The following FSTL5 variants were observed in gnomAD, a reference collection of about 807,000 sequenced individuals.
The protein encoded by FSTL5 is follistatin-related protein 5.
FSTL5 carries 62 observed loss-of-function variants against 89.1 expected under a neutral mutation model. The ratio of observed to expected loss-of-function variants is 0.70; its 90% CI spans 0.57 to 0.86. FSTL5 has a LOEUF of 0.86. Ranked by LOEUF, FSTL5 falls within the 40% of genes least tolerant of loss-of-function variation. The probability of loss-of-function intolerance (pLI) is 0.00; values close to 1 mark genes in which losing one functional copy is unlikely to be tolerated. For synonymous variants in FSTL5, 383 were observed against 346.2 expected (o/e 1.11, Z -1.18); for missense variants, 1,057 against 1,001.6 (o/e 1.06, Z -0.75).
intron 7 of FSTL5, among the ~76,000 whole-genome samples, chr4:161,610,532 G>A (rs1734596949): frequency 6.6e-6 from 1 of 152,056 alleles, no homozygotes; most frequent in South Asian, 2.1e-4. Context: ...GCATGACCAA[G>A]GACAATATAT....
intron 10 of FSTL5, among the ~76,000 whole-genome samples, chr4:161,513,272 G>GGGGAGAGAGAGAGAGA (rs1349844190): frequency 9.1e-6 from 1 of 109,978 alleles, no homozygotes; most frequent in East Asian, 3.0e-4. Context: ...ACAAGGAGGG[G>GGGGAGAGAGAGAGAGA]GAGAGAGAGA....
At chr4:162,128,263 A>G (rs1732161956) in intron 1 of FSTL5, among the ~76,000 whole-genome samples, 1 of 152,198 alleles carries the variant, frequency 6.6e-6, no homozygotes, top group Admixed American at 6.5e-5. Context: ...TCTAAAACCC[A>G]GAGTCTTTTC....
intron 6 of FSTL5, among the ~76,000 whole-genome samples, chr4:161,704,172 A>C (rs961069084): frequency 1.3e-5 from 2 of 152,004 alleles, no homozygotes; most frequent in African/African-American, 4.8e-5. Context: ...GCTAATCAGA[A>C]ACTCACAAAA....
intron 7 of FSTL5, among the ~76,000 whole-genome samples, chr4:161,589,904 G>C (rs1156297580): frequency 6.6e-6 from 1 of 151,766 alleles, no homozygotes; most frequent in Admixed American, 6.6e-5. Context: ...GAAATTGAAG[G>C]CTAAGACAGA....
intron 7 of FSTL5, among the ~76,000 whole-genome samples, chr4:161,655,673 C>T (rs557676085): frequency 4.6e-5 from 7 of 152,204 alleles, no homozygotes; most frequent in African/African-American, 1.4e-4. Context: ...CTATCCTTAT[C>T]CTTAGAACCA....
chr4:161,529,246 T>C (rs1731330011), intron 10 of FSTL5, among the ~76,000 whole-genome samples: 1 of 142,680 alleles, frequency 7.0e-6, no homozygotes, highest in Non-Finnish European at 1.5e-5. Context: ...GAAACAGATC[T>C]ATTTAATGAT....
At chr4:161,549,941 C>A (rs2126555033) in intron 8 of FSTL5, among the ~76,000 whole-genome samples, 1 of 152,006 alleles carries the variant, frequency 6.6e-6, no homozygotes, top group Admixed American at 6.6e-5. Flanking sequence ...ATCCTCCAGA[C>A]TTACTAAAAC....
chr4:161,558,490 G>T (rs1732473564), intron 8 of FSTL5, among the ~76,000 whole-genome samples: 1 of 151,782 alleles, frequency 6.6e-6, no homozygotes. Context: ...CAGTAGTAAA[G>T]ACAAGTCTAC....
At chr4:161,536,981 C>T (rs1156233437) in intron 10 of FSTL5, among the ~76,000 whole-genome samples, 1 of 152,000 alleles carries the variant, frequency 6.6e-6, no homozygotes, top group African/African-American at 2.4e-5. Flanking sequence ...TATGGTGGAC[C>T]TTATGCAGGC....
At chr4:161,419,346 A>G (rs1234334380) in intron 15 of FSTL5, among the ~76,000 whole-genome samples, 1 of 152,178 alleles carries the variant, frequency 6.6e-6, no homozygotes, top group African/African-American at 2.4e-5. Context: ...TACCAATTAC[A>G]TATGTATTTT....
intron 4 of FSTL5, among the ~76,000 whole-genome samples, chr4:161,787,600 T>A (rs1741950314): frequency 1.3e-5 from 2 of 152,132 alleles, no homozygotes; most frequent in South Asian, 4.1e-4. Flanking sequence ...GCAAATTAGA[T>A]GGAAAAATAT....
intron 8 of FSTL5, among the ~76,000 whole-genome samples, chr4:161,555,954 G>A (rs1732373078): frequency 6.6e-6 from 1 of 151,560 alleles, no homozygotes; most frequent in Admixed American, 6.6e-5. Flanking sequence ...CCCATGAACT[G>A]TTTCAACACG....
intron 6 of FSTL5, among the ~76,000 whole-genome samples, chr4:161,721,172 G>A (rs1019332517): frequency 6.6e-6 from 1 of 151,520 alleles, no homozygotes; most frequent in Non-Finnish European, 1.5e-5. Context: ...CAGTTACTGG[G>A]GAGGCTGAGG....
chr4:161,669,663 A>T (rs1003396278), intron 6 of FSTL5, among the ~76,000 whole-genome samples: 2 of 152,216 alleles, frequency 1.3e-5, no homozygotes, highest in African/African-American at 4.8e-5. Flanking sequence ...ACAGACTTAA[A>T]TATAAAACAA....
chr4:161,585,465 C>A (rs1010409208), intron 8 of FSTL5, among the ~76,000 whole-genome samples: 19 of 151,680 alleles, frequency 1.3e-4, no homozygotes, highest in African/African-American at 4.6e-4. Context: ...ATGCACCATA[C>A]ACTCTAAAAA....
At chr4:161,682,558 A>G (rs982944466) in intron 6 of FSTL5, among the ~76,000 whole-genome samples, 1 of 152,100 alleles carries the variant, frequency 6.6e-6, no homozygotes, top group Non-Finnish European at 1.5e-5. Context: ...GAAGAAACAA[A>G]CACACACATT....
chr4:161,671,145 T>C (rs950710959), intron 6 of FSTL5, among the ~76,000 whole-genome samples: 8 of 152,208 alleles, frequency 5.3e-5, no homozygotes, highest in African/African-American at 1.7e-4. Context: ...TTCAAGTTTA[T>C]TGACAAATTC....
At chr4:161,865,890 C>T (rs1355482552) in intron 4 of FSTL5, among the ~76,000 whole-genome samples, 1 of 152,182 alleles carries the variant, frequency 6.6e-6, no homozygotes, top group Non-Finnish European at 1.5e-5. Context: ...CTCTTTCCAG[C>T]TGCTGCATAT....
intron 15 of FSTL5, among the ~76,000 whole-genome samples, chr4:161,448,883 G>A (rs1733053534): frequency 6.6e-6 from 1 of 152,090 alleles, no homozygotes; most frequent in Non-Finnish European, 1.5e-5. Flanking sequence ...TAACACTGAG[G>A]TCCACTTCAT....
Sources: allele counts gnomAD v4.1 joint callset (sites outside exome capture counted in the v4.1 genomes callset), GRCh38; gene constraint gnomAD v4.1.1; transcripts MANE v1.5; gene names NCBI Gene and HGNC (gene_info 2026-07-23, HGNC 2026-07-21).